CDHR2: variants seen among roughly 807,000 people sequenced by gnomAD.
CDHR2 encodes the protein cadherin-related family member 2.
Under a neutral mutation model 138.6 loss-of-function variants are expected in CDHR2, and 104 were observed. That is an observed-to-expected ratio of 0.75 (90% confidence interval 0.64 to 0.88). CDHR2 has a LOEUF of 0.88. Among genes scored for constraint, CDHR2 ranks in the 40% least tolerant of loss-of-function variants. The pLI, the probability that CDHR2 is intolerant of heterozygous loss-of-function variation, is 0.00. For missense variants in CDHR2, 1,624 were observed against 1,727.6 expected (o/e 0.94, Z 1.06); for synonymous variants, 755 against 742.8 (o/e 1.02, Z -0.27).
chr5:176,570,923 C>A lies in CDHR2; in HGVS notation c.316-290C>A, dbSNP rs578112344. ...ATGAGATCACGCCATTGTACTCCAG[C>A]CTGGGTAACAAGAATGAAACTCTGT... On this transcript the variant is annotated intron_variant, in intron 5 of 31. Coordinates refer to ENST00000261944, the MANE Select transcript of CDHR2 (RefSeq NM_017675.6). Among the ~76,000 whole-genome samples, 4 of 148,038 alleles carry A rather than the reference C, an allele frequency of 2.7e-5. No homozygotes were observed. In the East Asian group the frequency reaches 8.1e-4, roughly 30 times the overall value.
chr5:176,589,233 A>T, intron 22 of CDHR2, 51 bp downstream of exon 22: 1 of 1,608,424 alleles, frequency 6.2e-7, no homozygotes. Flanking sequence ...GCCCGATAGG[A>T]GCTTTCAGGC....
chr5:176,574,012 G>A (rs1382950964), intron 6 of CDHR2, 71 bp from the exon 7 acceptor site: 4 of 1,176,372 alleles, frequency 3.4e-6, no homozygotes, highest in Non-Finnish European at 5.0e-6. Context: ...CTGAAGCTCA[G>A]GGGGGCAGTG....
In CDHR2 at chr5:176,574,168, A is replaced by T. The variant is rs769314207; in HGVS notation, c.491A>T (p.Glu164Val). 6.2e-6 allele frequency: 10 copies of T among 1,612,606 alleles called. No individual in the cohort carries two copies. Among genetic ancestry groups the T allele is most frequent in the Non-Finnish European group, 8.5e-6 (10 of 1,178,882 alleles). ...GCAGGCATGGTCGTGTACTCCATAG[A>T]GAAGGTGAGTGTGAAGGGGGCCCTG... ...GSAGMVVYSIEKVIPSTGDSE... is the reference protein window; with the variant it reads ...GSAGMVVYSIVKVIPSTGDSE... Residue 164 changes from glutamate to valine, a missense_variant, in exon 7 of 32, where the codon GAG (glutamate) becomes GTG (valine). Physicochemically the swap from Glu to Val is moderately radical, Grantham distance 121. This residue lies in a region of CDHR2 where 1,061 missense variants were observed against 1,136.6 expected (regional missense o/e 0.93). Transcript: ENST00000261944.
At position 176,576,202 on chromosome 5, in the gene CDHR2, G is replaced by A; in HGVS notation, c.1194+17G>A. On this transcript the variant is annotated intron_variant, in intron 12 of 31. Transcript: ENST00000261944. The surrounding 1 kb of genome is among the most constrained non-coding windows in gnomAD (Gnocchi z 4.5). ...CCGGACAAGGCAGGCGTGGTGGCGTGGGTGTGGGCGGGGGTGGCTGGGGGA... is the reference window on the plus strand; with the variant it reads ...CCGGACAAGGCAGGCGTGGTGGCGTAGGTGTGGGCGGGGGTGGCTGGGGGA... 1.3e-6 allele frequency: 2 copies of A among 1,589,564 alleles called. No individual in the cohort carries two copies. The highest frequency in any genetic ancestry group is 3.4e-5 in the Admixed American group (2 of 59,698).
At position 176,575,946 on chromosome 5, in the gene CDHR2, C is replaced by T. The variant is rs748510433; in HGVS notation, c.961-6C>T. Reference sequence around the variant, plus strand: ...TCTGCCCTCTGCCCTCTGCTCTGTGCCTCAGGCCACCGAGACACACCTCAA... The same window carrying T: ...TCTGCCCTCTGCCCTCTGCTCTGTGTCTCAGGCCACCGAGACACACCTCAA... On this transcript the variant is annotated splice_polypyrimidine_tract_variant and splice_region_variant and intron_variant, in intron 11 of 31. Transcript: ENST00000261944. 1 of 1,607,836 alleles carries T rather than the reference C, an allele frequency of 6.2e-7. No individual in the cohort carries two copies. The highest frequency in any genetic ancestry group is 1.1e-5 in the South Asian group (1 of 90,522).
In CDHR2 at chr5:176,575,730, C is replaced by G. The variant is rs374158863; in HGVS notation, c.851C>G (p.Thr284Arg). ...DPVIYSISYS[T>R]RPGWFDIGAD... ...CCGCCTTTCTCCTTGCCAGACTCCACGCGGCCCGGCTGGTTTGACATCGGG... is the reference window on the plus strand; with the variant it reads ...CCGCCTTTCTCCTTGCCAGACTCCAGGCGGCCCGGCTGGTTTGACATCGGG... Residue 284 changes from threonine to arginine, a missense_variant, in exon 11 of 32, where the codon ACG becomes AGG. Thr to Arg is a moderately conservative substitution (Grantham distance 71). Coordinates refer to ENST00000261944, the MANE Select transcript of CDHR2 (RefSeq NM_017675.6). 2.5e-6 allele frequency: 4 copies of G among 1,577,132 alleles called. No homozygotes were observed. The South Asian group carries it at 4.6e-5, about 18-fold the overall frequency.
At chr5:176,551,909 T>G (rs1216203131) in intron 1 of CDHR2, among the ~76,000 whole-genome samples, 1 of 151,364 alleles carries the variant, frequency 6.6e-6, no homozygotes. Flanking sequence ...AGAGACGGCG[T>G]TTCACCATGT....
chr5:176,591,659 GC>G (rs1367919200), intron 30 of CDHR2, 175 bp downstream of exon 30: 1 of 624,998 alleles, frequency 1.6e-6, no homozygotes, highest in African/African-American at 1.8e-5. Context: ...GGTGATGGTA[GC>G]AATGGTGACA....
rs1261549520 is a variant in CDHR2, at chr5:176,551,273, T to G, written c.-16+1859T>G. Among the ~76,000 whole-genome samples, 5 of 152,100 alleles carry G rather than the reference T, an allele frequency of 3.3e-5. No individual in the cohort carries two copies. In the East Asian group the frequency reaches 9.7e-4, roughly 29 times the overall value. On this transcript the variant is annotated intron_variant, in intron 1 of 31. Coordinates refer to ENST00000261944, the MANE Select transcript of CDHR2 (RefSeq NM_017675.6). ...ACCTCTGCCTCCTTGGTTCAAGTGA[T>G]TCTCCTGCCTCAGCCTCCCGAATAG...
At chr5:176,546,983 T>C (rs913065540), upstream of CDHR2, among the ~76,000 whole-genome samples, 2 of 1,670 alleles carry the variant, frequency 1.2e-3, no homozygotes, top group African/African-American at 1.3e-3. Flanking sequence ...TTTTTGGTCT[T>C]TTTTTTTTTT....
intron 1 of CDHR2, among the ~76,000 whole-genome samples, chr5:176,562,092 C>A (rs1218677337): frequency 6.6e-6 from 1 of 151,532 alleles, no homozygotes. Context: ...GGGAGTGGTT[C>A]GAGGTGAAGC....
intron 15 of CDHR2, 41 bp from the exon 16 acceptor site, chr5:176,578,324 A>C: frequency 6.4e-7 from 1 of 1,572,714 alleles, no homozygotes; most frequent in Non-Finnish European, 8.7e-7. Context: ...TGAAATGGGC[A>C]TCCTGTGTCT....
At chr5:176,558,126 A>G (rs1757882856) in intron 1 of CDHR2, among the ~76,000 whole-genome samples, 1 of 152,090 alleles carries the variant, frequency 6.6e-6, no homozygotes, top group African/African-American at 2.4e-5. Context: ...CCCCTGAGCC[A>G]CTGGCGTATG....
At chr5:176,595,091 A>C (rs1240942025) in intron 31 of CDHR2, among the ~76,000 whole-genome samples, 2 of 152,176 alleles carry the variant, frequency 1.3e-5, no homozygotes, top group Admixed American at 6.5e-5. Flanking sequence ...CTCAGTTTCC[A>C]CATCTGTGAA....
intron 17 of CDHR2, among the ~76,000 whole-genome samples, chr5:176,582,672 C>T (rs964325806): frequency 6.6e-6 from 1 of 152,132 alleles, no homozygotes; most frequent in African/African-American, 2.4e-5. Context: ...GTCCCAGCTA[C>T]TTGGAAGGCT....
chr5:176,584,641 G>T lies in CDHR2; in HGVS notation c.2360G>T (p.Gly787Val), dbSNP rs143927123. ...AGTGCTGAGAACCCAGACCCCCAGG[G>T]GGGTGAGACCATAGTAGACGTCTGC... The part of the protein sequence containing the change: ...TVSAENPDPQ[G>V]GETIVDVCVN... The change falls in exon 19 of 32, where the codon GGG becomes GTG. Residue 787 changes from glycine (G) to valine (V), a missense_variant. Coordinates refer to ENST00000261944, the MANE Select transcript of CDHR2 (RefSeq NM_017675.6). 5.6e-6 allele frequency: 9 copies of T among 1,611,840 alleles called. No individual in the cohort carries two copies. The African/African-American group carries it at 9.4e-5, about 17-fold the overall frequency.
At chr5:176,590,223 T>G in intron 25 of CDHR2, 30 bp from the exon 26 acceptor site, 1 of 1,613,614 alleles carries the variant, frequency 6.2e-7, no homozygotes, top group Non-Finnish European at 8.5e-7. Context: ...TGATCCAGGC[T>G]CCTGACTCTT....
upstream of CDHR2, chr5:176,547,477 A>T (rs1158092597): frequency 6.6e-6 from 1 of 152,226 alleles, no homozygotes; most frequent in African/African-American, 2.4e-5. Flanking sequence ...GTAGCTATTC[A>T]TAGGCACAGT....
At chr5:176,550,952 C>G (rs904993660) in intron 1 of CDHR2, among the ~76,000 whole-genome samples, 1 of 152,224 alleles carries the variant, frequency 6.6e-6, no homozygotes, top group African/African-American at 2.4e-5. Context: ...GACTACACAT[C>G]TCATGGCGTG....
Sources: gnomAD v4.1 joint callset for allele counts (sites outside exome capture counted in the v4.1 genomes callset) on GRCh38, gnomAD v4.1.1 for gene constraint, gnomAD v4.1.1 regional missense constraint, Gnocchi (gnomAD v3.1) non-coding constraint, MANE v1.5 for transcripts, NCBI Gene and HGNC (gene_info 2026-07-23, HGNC 2026-07-21) for gene names.